DCAF15: variants seen among roughly 807,000 people sequenced by gnomAD.
DCAF15 encodes DDB1- and CUL4-associated factor 15.
DCAF15 carries 24 observed loss-of-function variants against 68.0 expected under a neutral mutation model. The ratio of observed to expected loss-of-function variants is 0.35; its 90% confidence interval spans 0.26 to 0.50. The LOEUF is 0.50. DCAF15 is among the 20% of genes least tolerant of loss of function. The pLI is 0.98. For synonymous variants in DCAF15, 376 were observed against 341.6 expected, an observed-to-expected ratio of 1.10 and a Z score of -1.11; for missense variants, 627 against 830.6, an observed-to-expected ratio of 0.75 and a Z score of 3.01.
At position 13,959,562 on chromosome 19, in the gene DCAF15, C is replaced by T. The variant is rs1316751931; in HGVS notation, c.1220-20C>T. On this transcript the variant is annotated intron_variant, in intron 7 of 12. Transcript: ENST00000254337. Reference sequence around the variant, plus strand: ...GCCCCTGGCCTCCCTCCACCCCACCCCCACTTCCTGCCTCCCCAGAGTTGG... The same window carrying T: ...GCCCCTGGCCTCCCTCCACCCCACCTCCACTTCCTGCCTCCCCAGAGTTGG... 1 of 1,612,756 alleles carries T rather than the reference C, an allele frequency of 6.2e-7. No homozygotes were observed. The highest frequency in any genetic ancestry group is 1.1e-5 in the South Asian group (1 of 91,080).
At chr19:13,957,163 C>T (rs772806593) in intron 6 of DCAF15, among the ~76,000 whole-genome samples, 3 of 152,212 alleles carry the variant, frequency 2.0e-5, no homozygotes, top group Non-Finnish European at 2.9e-5. Flanking sequence ...TGTGACATTT[C>T]AGGGTGTGGT....
intron 3 of DCAF15, 121 bp from the exon 4 acceptor site, chr19:13,955,791 G>C (rs922943557): frequency 1.9e-5 from 16 of 859,228 alleles, no homozygotes; most frequent in Non-Finnish European, 2.9e-5. Context: ...GGGGTGTGGC[G>C]GGTGCTGTTG....
chr19:13,956,039 G>T (rs778893318), intron 4 of DCAF15, 21 bp downstream of exon 4: 2 of 1,613,192 alleles, frequency 1.2e-6, no homozygotes, highest in South Asian at 2.2e-5. Flanking sequence ...GCGCCTGGGG[G>T]AGCCTTGGCT....
chr19:13,959,273 T>C lies in DCAF15; in HGVS notation c.1013T>C (p.Val338Ala), dbSNP rs7245761. The C allele has an allele frequency of 0.023, 37,318 of 1,610,988 alleles. 6,345 individuals carry two copies. In the African/African-American group the frequency reaches 0.4, roughly 17 times the overall value. Residue 338 changes from valine (V) to alanine (A), a missense_variant, in exon 7 of 13, where the codon GTC becomes GCC. Physicochemically the swap from Val to Ala is moderately conservative, Grantham distance 64. Transcript: ENST00000254337. The part of the protein sequence containing the change: ...FRRAKEAKGG[V>A]PEEARPALCP... ...CGGGCCAAAGAGGCCAAGGGCGGGG[T>C]CCCTGAGGAAGCCCGGCCTGCCCTG... is the stretch of plus-strand genomic sequence containing the variant.
chr19:13,960,452 C>G lies in DCAF15; in HGVS notation c.1632-13C>G, dbSNP rs764610451. 6.2e-7 allele frequency: 1 copy of G among 1,611,730 alleles called. No individual in the cohort carries two copies. Among genetic ancestry groups the G allele is most frequent in the African/African-American group, 1.3e-5 (1 of 74,900 alleles). ...CCAAGGCGACGAGAGCCACTCACCC[C>G]CTGGCCCCGCAGCGGCAGTGTCTGG... On this transcript the variant is annotated splice_polypyrimidine_tract_variant and intron_variant, in intron 11 of 12. Transcript: ENST00000254337.
Position 13,960,590 on chromosome 19 carries a change from G to A in DCAF15, c.1747+10G>A, listed in dbSNP as rs985664567. On this transcript the variant is annotated intron_variant, in intron 12 of 12. Transcript: ENST00000254337. ...GAGGCGCTGCACAAAGGTGGGGCTCGGTGACCCCGTGATGGTCAGGGTCAC... is the reference window on the plus strand; with the variant it reads ...GAGGCGCTGCACAAAGGTGGGGCTCAGTGACCCCGTGATGGTCAGGGTCAC... 1.5e-5 allele frequency: 23 copies of A among 1,567,654 alleles called. No homozygotes were observed. Among genetic ancestry groups the A allele is most frequent in the Non-Finnish European group, 1.8e-5 (21 of 1,157,478 alleles).
rs1456923732 is a variant in DCAF15 at position 13,959,064 on chromosome 19, A to G, written c.804A>G (p.Gln268=). The G allele has an allele frequency of 6.2e-7, 1 of 1,606,740 alleles. No individual in the cohort carries two copies. The highest frequency in any genetic ancestry group is 1.3e-5 in the African/African-American group (1 of 74,518). The change falls in exon 7 of 13, where the codon CAA becomes CAG. Residue 268 remains glutamine, a synonymous_variant. Transcript: ENST00000254337. ...TCTTAGGTGACAGGAGTTTCTGCCA[A>G]ATCCTGTATGACCACAGCACCTGCC... ...VHSAGDRSFC[Q]ILYDHSTCPL...
At position 13,959,871 on chromosome 19, in the gene DCAF15, C is replaced by T. The variant is rs140653652; in HGVS notation, c.1416C>T (p.Ser472=). ...ATWGHQFCSF[S]DYDIVILEVC... is the part of the protein sequence containing the mutation. ...GGGGCCATCAGTTCTGTTCTTTCAG[C>T]GACTATGACATCGTCATTCTGGAGG... The change falls in exon 9 of 13, where the codon AGC becomes AGT. Residue 472 remains serine, a synonymous_variant. Coordinates refer to ENST00000254337, the MANE Select transcript of DCAF15 (RefSeq NM_138353.4). 20 of 1,268,286 alleles carry T rather than the reference C, an allele frequency of 1.6e-5. No individual in the cohort carries two copies. Among genetic ancestry groups the T allele is most frequent in the Middle Eastern group, 2.2e-4 (1 of 4,634 alleles). The allele number at this position is 1,268,286 out of a possible 1,614,324, so 78.6% of individuals were successfully genotyped here.
rs762283853 is a variant in DCAF15, at chr19:13,960,541, C to A, written c.1708C>A (p.Arg570Ser). ...MKWLVPESSGRYVNRMTNEAL... is the reference protein window; with the variant it reads ...MKWLVPESSGSYVNRMTNEAL... ...GTGGCTGGTGCCGGAGAGCAGCGGC[C>A]GCTACGTCAACAGGATGACCAATGA... Residue 570 changes from arginine to serine, a missense_variant, in exon 12 of 13, where the codon CGC becomes AGC. Physicochemically the swap from Arg to Ser is moderately radical, Grantham distance 110 (BLOSUM62 -1). Coordinates refer to ENST00000254337, the MANE Select transcript of DCAF15 (RefSeq NM_138353.4). 6.9e-6 allele frequency: 11 copies of A among 1,601,092 alleles called. No individual in the cohort carries two copies. The highest frequency in any genetic ancestry group is 9.4e-6 in the Non-Finnish European group (11 of 1,175,330).
In DCAF15 at chr19:13,960,003, A is replaced by G. The variant is rs1339580292; in HGVS notation, c.1460A>G (p.Gln487Arg). ...VILEVCPETN[Q>R]VLINIGLLLL... Reference sequence around the variant, plus strand: ...CCCCAGGTCTGCCCAGAAACCAACCAGGTCCTCATCAACATTGGCCTGCTG... The same window carrying G: ...CCCCAGGTCTGCCCAGAAACCAACCGGGTCCTCATCAACATTGGCCTGCTG... The change falls in exon 10 of 13, where the codon CAG becomes CGG. Residue 487 changes from glutamine (Q) to arginine (R), a missense_variant. Physicochemically the swap from Gln to Arg is conservative, Grantham distance 43 (BLOSUM62 1). Coordinates refer to ENST00000254337, the MANE Select transcript of DCAF15 (RefSeq NM_138353.4). 1 of 1,613,718 alleles carries G rather than the reference A, an allele frequency of 6.2e-7. No homozygotes were observed. The highest frequency in any genetic ancestry group is 8.5e-7 in the Non-Finnish European group (1 of 1,179,908).
At chr19:13,956,769 T>C (rs184855897) in intron 6 of DCAF15, among the ~76,000 whole-genome samples, 1 of 152,370 alleles carries the variant, frequency 6.6e-6, no homozygotes, top group Non-Finnish European at 1.5e-5. Context: ...ATGTGGCTCA[T>C]GTGACTGAGG....
chr19:13,957,885 CA>C (rs904876082), intron 6 of DCAF15, among the ~76,000 whole-genome samples: 4 of 147,320 alleles, frequency 2.7e-5, no homozygotes, highest in African/African-American at 2.5e-5. Flanking sequence ...ACTCCATCTC[CA>C]AAAAAAAAAG....
rs375356197 is a variant in DCAF15, at chr19:13,955,900, C to G, written c.367-12C>G. On this transcript the variant is annotated splice_polypyrimidine_tract_variant and intron_variant, in intron 3 of 12. Transcript: ENST00000254337. ...TCCCTGACCCGGTGCTGCCCCTGAA[C>G]GTGCCTCACAGGTCCGGCAGGTTCG... The G allele has an allele frequency of 6.2e-7, 1 of 1,613,368 alleles. No individual in the cohort carries two copies.
At chr19:13,960,893 G>A in intron 12 of DCAF15, 47 bp from the exon 13 acceptor site, 1 of 1,612,788 alleles carries the variant, frequency 6.2e-7, no homozygotes, top group Non-Finnish European at 8.5e-7. Context: ...TGGCCGCAGG[G>A]CCAGGCAGGC....
chr19:13,958,970 T>A, intron 6 of DCAF15, 75 bp from the exon 7 acceptor site: 1 of 1,506,734 alleles, frequency 6.6e-7, no homozygotes, highest in South Asian at 1.3e-5. Context: ...GGTGGGTTTC[T>A]GAAAACCCCT....
chr19:13,960,185 C>T (rs1454781585), intron 10 of DCAF15, 102 bp from the exon 11 acceptor site: 2 of 1,567,064 alleles, frequency 1.3e-6, no homozygotes, highest in Non-Finnish European at 1.7e-6. Context: ...GGCTGGGCCC[C>T]TCCATAGCTG....
chr19:13,959,536 G>A, intron 7 of DCAF15, 46 bp from the exon 8 acceptor site: 2 of 1,611,386 alleles, frequency 1.2e-6, no homozygotes, highest in Non-Finnish European at 1.7e-6. Context: ...GCCCAGACGG[G>A]GCCCCTGGCC....
rs1189917610 is a variant in DCAF15, at chr19:13,961,152, G to T, written c.*157G>T. On this transcript the variant is annotated 3_prime_UTR_variant, in exon 13 of 13. Transcript: ENST00000254337. ...GGGCTGGGCAGGGCAGCCTCTGTTG[G>T]CCTGAGGGTCTGGACGCTTTTTATT... 4.7e-6 allele frequency: 4 copies of T among 852,316 alleles called. No individual in the cohort carries two copies. Among genetic ancestry groups the T allele is most frequent in the Non-Finnish European group, 7.4e-6 (4 of 541,214 alleles). 52.8% of individuals were successfully genotyped at this position (852,316 alleles called of 1,614,324 possible).
At position 13,956,481 on chromosome 19, in the gene DCAF15, GC is replaced by G; in HGVS notation, c.744del (p.Tyr249ThrfsTer114). On this transcript the variant is annotated frameshift_variant, in exon 6 of 13. Coordinates refer to ENST00000254337, the MANE Select transcript of DCAF15 (RefSeq NM_138353.4). LOFTEE classifies it high-confidence loss of function. ...KKDQVVLLNTSYSLVACAVSV... is the reference protein window; with the variant it reads ...KKDQVVLLNTXYSLVACAVSV... ...GACCAGGTGGTGCTGCTCAACACCAGCTACTCCCTGGTGGCCTGCGCCGTCT... is the reference window on the plus strand; with the variant it reads ...GACCAGGTGGTGCTGCTCAACACCAGTACTCCCTGGTGGCCTGCGCCGTCT... 6.2e-7 allele frequency: 1 copy of G among 1,613,516 alleles called. No individual in the cohort carries two copies. The highest frequency in any genetic ancestry group is 8.5e-7 in the Non-Finnish European group (1 of 1,180,024).
Sources: gnomAD v4.1 joint callset for allele counts (sites outside exome capture counted in the v4.1 genomes callset) on GRCh38, gnomAD v4.1.1 for gene constraint, MANE v1.5 for transcripts, NCBI Gene and HGNC (gene_info 2026-07-23, HGNC 2026-07-21) for gene names.